Variants in STRIP2 observed in about 807,000 individuals in gnomAD.
The protein encoded by STRIP2 is striatin-interacting protein 2.
Under a neutral mutation model 107.1 loss-of-function variants are expected in STRIP2, and 84 were observed. The ratio of observed to expected loss-of-function variants is 0.78; its 90% CI spans 0.66 to 0.94. The LOEUF (loss-of-function observed/expected upper bound fraction) is 0.94. Ranked by LOEUF, STRIP2 falls within the 40% of genes least tolerant of loss-of-function variation. STRIP2 has a pLI of 0.00. For synonymous variants in STRIP2, 394 were observed against 400.4 expected (o/e 0.98, Z 0.19); for missense variants, 888 against 1,034.2 (o/e 0.86, Z 1.94).
intron 3 of STRIP2, among the ~76,000 whole-genome samples, chr7:129,450,998 G>A (rs57488215): frequency 0.049 from 6,074 of 124,176 alleles, 209 homozygotes; most frequent in Middle Eastern, 0.082. Flanking sequence ...GTGCAGTGGC[G>A]GGATCTCGGC....
At position 129,483,271 on chromosome 7, in the gene STRIP2, G is replaced by A. The variant is rs930584047; in HGVS notation, c.2254+225G>A. On this transcript the variant is annotated intron_variant, in intron 20 of 20. Transcript: ENST00000249344. This position sits in a 1 kb window ranked among gnomAD's most constrained non-coding sequence, Gnocchi z 5.1. ...TATGAAAATCCGTTTTATAAAACAA[G>A]TAAATTGAGAGATAATTAATTGCCT... 1.6e-6 allele frequency: 2 copies of A among 1,243,826 alleles called. No homozygotes were observed. The highest frequency in any genetic ancestry group is 1.5e-5 in the African/African-American group (1 of 65,450). The allele number at this position is 1,243,826 out of a possible 1,614,324, so 77.0% of individuals were successfully genotyped here.
intron 13 of STRIP2, among the ~76,000 whole-genome samples, chr7:129,460,735 G>C (rs1312182140): frequency 1.3e-5 from 2 of 152,326 alleles, no homozygotes; most frequent in East Asian, 3.9e-4. Flanking sequence ...TCAGAGGAAA[G>C]AGCATTCCAA....
intron 1 of STRIP2, among the ~76,000 whole-genome samples, chr7:129,435,703 A>C (rs1797717634): frequency 1.3e-5 from 2 of 152,234 alleles, no homozygotes; most frequent in African/African-American, 2.4e-5. Flanking sequence ...AATTGACTAT[A>C]AAATGTTTGG....
chr7:129,475,198 C>G (rs191787925), intron 18 of STRIP2, among the ~76,000 whole-genome samples: 1 of 151,834 alleles, frequency 6.6e-6, no homozygotes, highest in African/African-American at 2.4e-5. Flanking sequence ...TGGATGTGGG[C>G]TCAGTATGTA....
chr7:129,485,608 G>A lies in STRIP2; in HGVS notation c.2284G>A (p.Ala762Thr). Residue 762 changes from alanine to threonine, a missense_variant, in exon 21 of 21, where the codon GCA (alanine) becomes ACA (threonine). Physicochemically the swap from Ala to Thr is moderately conservative, Grantham distance 58 (BLOSUM62 0). Coordinates refer to ENST00000249344, the MANE Select transcript of STRIP2 (RefSeq NM_020704.3). ...CGATGCCAGACCATGGGACTTCCAA[G>A]CAGAAGAATGTACCTTGAGGGCCAA... ...DIDARPWDFQ[A>T]EECTLRANIE... The A allele has an allele frequency of 6.2e-7, 1 of 1,613,938 alleles. No individual in the cohort carries two copies. The highest frequency in any genetic ancestry group is 8.5e-7 in the Non-Finnish European group (1 of 1,180,004).
intron 1 of STRIP2, among the ~76,000 whole-genome samples, chr7:129,435,687 T>C (rs907826227): frequency 6.6e-6 from 1 of 152,202 alleles, no homozygotes; most frequent in Non-Finnish European, 1.5e-5. Context: ...AAAGTCAAAA[T>C]GAGATAATTG....
At chr7:129,472,770 CTTTTCCTT>C (rs1798818613) in intron 18 of STRIP2, among the ~76,000 whole-genome samples, 3 of 27,406 alleles carry the variant, frequency 1.1e-4, no homozygotes, top group South Asian at 1.5e-3. Flanking sequence ...ATTTTCTTTT[CTTTTCCTT>C]TTTTTTTTTT....
chr7:129,456,141 C>CTTTTTTTTTTTTT (rs775446984), intron 8 of STRIP2, among the ~76,000 whole-genome samples: 1 of 81,008 alleles, frequency 1.2e-5, no homozygotes. Flanking sequence ...TCGATAGTTT[C>CTTTTTTTTTTTTT]TTTTTTTTCT....
intron 18 of STRIP2, among the ~76,000 whole-genome samples, chr7:129,472,936 G>A (rs1354017835): frequency 5.9e-5 from 9 of 151,576 alleles, no homozygotes; most frequent in Admixed American, 5.9e-4. Flanking sequence ...ACAGGCACGT[G>A]CCACCATGCC....
At chr7:129,445,113 G>T (rs1314304541) in intron 3 of STRIP2, among the ~76,000 whole-genome samples, 2 of 152,100 alleles carry the variant, frequency 1.3e-5, no homozygotes, top group Non-Finnish European at 2.9e-5. Flanking sequence ...AGGGGTCTGG[G>T]TCATTTGTAG....
At position 129,481,082 on chromosome 7, in the gene STRIP2, G is replaced by A. The variant is rs562208709; in HGVS notation, c.2049+193G>A. Among the ~76,000 whole-genome samples, 9 of 152,280 alleles carry A rather than the reference G, an allele frequency of 5.9e-5. 1 individual carries two copies. The highest frequency in any genetic ancestry group is 1.9e-4 in the African/African-American group (8 of 41,560). ...TTACTTATCAGTCCATTTCTTTTCA[G>A]GGGGCTGAATCTCAAACCCTCCCTC... On this transcript the variant is annotated intron_variant, in intron 19 of 20. Transcript: ENST00000249344.
At chr7:129,440,835 T>C (rs1228190617) in intron 2 of STRIP2, among the ~76,000 whole-genome samples, 3 of 152,168 alleles carry the variant, frequency 2.0e-5, no homozygotes, top group Non-Finnish European at 4.4e-5. Context: ...AATTTAAATA[T>C]TCTGTCACAT....
At position 129,483,234 on chromosome 7, in the gene STRIP2, T is replaced by C. The variant is rs1162766912; in HGVS notation, c.2254+188T>C. ...CCTCAAATTCTAGTATGTACCCTTG[T>C]CCTATGTAAACTATGAAAATCCGTT... is the stretch of plus-strand genomic sequence containing the variant. On this transcript the variant is annotated intron_variant, in intron 20 of 20. Transcript: ENST00000249344. The surrounding 1 kb of genome is among the most constrained non-coding windows in gnomAD (Gnocchi z 5.1). 7.6e-7 allele frequency: 1 copy of C among 1,320,648 alleles called. No homozygotes were observed. The highest frequency in any genetic ancestry group is 3.3e-5 in the Admixed American group (1 of 30,710). 81.8% of individuals were successfully genotyped at this position (1,320,648 alleles called of 1,614,324 possible).
intron 9 of STRIP2, among the ~76,000 whole-genome samples, chr7:129,457,680 G>T (rs988723468): frequency 2.0e-5 from 3 of 152,240 alleles, no homozygotes; most frequent in African/African-American, 7.2e-5. Context: ...ATATAAAAAT[G>T]TGATGAAGGG....
At chr7:129,436,980 A>G (rs1797757398) in intron 1 of STRIP2, among the ~76,000 whole-genome samples, 1 of 152,210 alleles carries the variant, frequency 6.6e-6, no homozygotes, top group African/African-American at 2.4e-5. Flanking sequence ...CTCCTTGACA[A>G]AGTTTTAACT....
intron 8 of STRIP2, 115 bp downstream of exon 8, chr7:129,455,486 A>C: frequency 7.7e-7 from 1 of 1,303,076 alleles, no homozygotes. Flanking sequence ...GGCAGCCCTT[A>C]GCCAACTGCT....
intron 18 of STRIP2, chr7:129,477,884 G>GCT (rs1318188491): frequency 2.0e-6 from 1 of 499,786 alleles, no homozygotes; most frequent in Non-Finnish European, 4.0e-6. Flanking sequence ...CATGAGCAAA[G>GCT]CTCACCCTCC....
intron 18 of STRIP2, among the ~76,000 whole-genome samples, chr7:129,476,963 A>G (rs1194891790): frequency 6.6e-6 from 1 of 151,514 alleles, no homozygotes; most frequent in Non-Finnish European, 1.5e-5. Context: ...ACTCGCGGTT[A>G]GGAGCTGGAG....
chr7:129,470,782 A>G (rs1798772839), intron 18 of STRIP2, 67 bp downstream of exon 18: 2 of 1,350,908 alleles, frequency 1.5e-6, no homozygotes, highest in African/African-American at 2.9e-5. Context: ...TTGCTCTTTC[A>G]TTTCTTCTCC....
Sources: allele counts gnomAD v4.1 joint callset (sites outside exome capture counted in the v4.1 genomes callset), GRCh38; gene constraint gnomAD v4.1.1; non-coding constraint Gnocchi (gnomAD v3.1); transcripts MANE v1.5; gene names NCBI Gene and HGNC (gene_info 2026-07-23, HGNC 2026-07-21).